The following CSMD1 variants were observed in gnomAD, a reference collection of about 807,000 sequenced individuals.
The protein encoded by CSMD1 is CUB and Sushi multiple domains 1, also known as CUB and sushi domain-containing protein 1.
Under a neutral mutation model 417.5 loss-of-function variants are expected in CSMD1, and 213 were observed. The ratio of observed to expected loss-of-function variants is 0.51; its 90% CI spans 0.46 to 0.57. The LOEUF (loss-of-function observed/expected upper bound fraction) is 0.57. CSMD1 is among the 20% of genes least tolerant of loss of function. The pLI, the probability that CSMD1 is intolerant of heterozygous loss-of-function variation, is 0.00. For synonymous variants in CSMD1, 2,862 were observed against 1,736.8 expected, an observed-to-expected ratio of 1.65 and a Z score of -16.11; for missense variants, 6,923 against 4,529.7, an observed-to-expected ratio of 1.53 and a Z score of -15.17.
chr8:4,005,744 G>C (rs1157933615), intron 4 of CSMD1, among the ~76,000 whole-genome samples: 2 of 152,234 alleles, frequency 1.3e-5, no homozygotes, highest in Non-Finnish European at 1.5e-5. Flanking sequence ...ATGTGGAAGT[G>C]AGTTATTGTA....
At chr8:3,889,472 T>TATA (rs1245453318) in intron 5 of CSMD1, among the ~76,000 whole-genome samples, 3 of 107,382 alleles carry the variant, frequency 2.8e-5, no homozygotes, top group African/African-American at 1.0e-4. Flanking sequence ...TATATATATA[T>TATA]ATATATATAT....
chr8:3,907,634 G>A (rs1371354375), intron 5 of CSMD1, among the ~76,000 whole-genome samples: 3 of 152,174 alleles, frequency 2.0e-5, no homozygotes, highest in Non-Finnish European at 4.4e-5. Context: ...GCTCATTGAT[G>A]AGATGCCACC....
chr8:3,286,972 C>G (rs575552479), intron 25 of CSMD1, among the ~76,000 whole-genome samples: 8 of 152,062 alleles, frequency 5.3e-5, no homozygotes, highest in Admixed American at 2.0e-4. Context: ...ACATTTAAGT[C>G]TTTAATCCAT....
chr8:4,844,171 C>A (rs1801002131), intron 1 of CSMD1, among the ~76,000 whole-genome samples: 1 of 152,098 alleles, frequency 6.6e-6, no homozygotes. Context: ...TCAAGTTCTA[C>A]TACACGTAGC....
At chr8:4,272,580 A>G (rs1335071415) in intron 3 of CSMD1, among the ~76,000 whole-genome samples, 1 of 152,186 alleles carries the variant, frequency 6.6e-6, no homozygotes, top group African/African-American at 2.4e-5. Flanking sequence ...CTTGCAGTAT[A>G]CCTTTTTTGA....
intron 7 of CSMD1, among the ~76,000 whole-genome samples, chr8:3,652,283 T>G (rs1327843890): frequency 1.3e-5 from 2 of 151,636 alleles, no homozygotes; most frequent in African/African-American, 4.9e-5. Flanking sequence ...CTTACCACCA[T>G]CAGCTTACCA....
chr8:4,612,109 T>C (rs1801208139), intron 2 of CSMD1, among the ~76,000 whole-genome samples: 1 of 152,098 alleles, frequency 6.6e-6, no homozygotes, highest in Non-Finnish European at 1.5e-5. Context: ...CAGACTCTTT[T>C]CATGAAGGAA....
intron 37 of CSMD1, among the ~76,000 whole-genome samples, chr8:3,176,080 C>G (rs1820918332): frequency 6.6e-6 from 1 of 151,956 alleles, no homozygotes; most frequent in Admixed American, 6.6e-5. Flanking sequence ...TAGAAGTAAG[C>G]TAAATTAGAA....
At chr8:3,592,740 C>T (rs907430541) in intron 8 of CSMD1, among the ~76,000 whole-genome samples, 12 of 152,046 alleles carry the variant, frequency 7.9e-5, no homozygotes, top group Non-Finnish European at 1.5e-4. Context: ...TTTCTTCCCC[C>T]TGTATTTTAC....
In CSMD1 at chr8:3,477,749, T is replaced by A. The variant is rs561911602; in HGVS notation, c.1449-8925A>T. Among the ~76,000 whole-genome samples, 6 of 152,274 alleles carry A rather than the reference T, an allele frequency of 3.9e-5. No individual in the cohort carries two copies. The South Asian group carries it at 8.3e-4, about 21-fold the overall frequency. On this transcript the variant is annotated intron_variant, in intron 11 of 69. Transcript: ENST00000635120. ...TGCACTCTTGGGTCTCTCACATATC[T>A]TCAGATACAGTATTGAGGAGGTACT...
At chr8:3,462,851 T>C (rs75899475) in intron 12 of CSMD1, among the ~76,000 whole-genome samples, 4,950 of 152,214 alleles carry the variant, frequency 0.033, 156 homozygotes, top group East Asian at 0.15. Flanking sequence ...AATTCCTAAG[T>C]TGAAACCTAA....
rs112248138 is a variant in CSMD1, at chr8:3,774,712, G to A, written c.819-20670C>T. Among the ~76,000 whole-genome samples the A allele has an allele frequency of 9.9e-5, 15 of 152,174 alleles. No individual in the cohort carries two copies. The East Asian group carries it at 2.5e-3, about 26-fold the overall frequency. ...GCTAAGTGCAAAGGAATAACTTCAC[G>A]ATTTCTGCTCTCAAATTTTGGTGAA... On this transcript the variant is annotated intron_variant, in intron 5 of 69. Coordinates refer to ENST00000635120, the MANE Select transcript of CSMD1 (RefSeq NM_033225.6).
intron 51 of CSMD1, among the ~76,000 whole-genome samples, chr8:3,025,694 C>T (rs941506784): frequency 6.6e-6 from 1 of 152,174 alleles, no homozygotes; most frequent in African/African-American, 2.4e-5. Context: ...GCTGAGAATC[C>T]AGCCACCCTG....
chr8:4,386,790 C>G (rs1363980752), intron 3 of CSMD1, among the ~76,000 whole-genome samples: 2 of 152,144 alleles, frequency 1.3e-5, no homozygotes, highest in East Asian at 1.9e-4. Flanking sequence ...TGAAGAGATA[C>G]AATAAAAAAA....
chr8:4,311,618 G>A (rs568684035), intron 3 of CSMD1, among the ~76,000 whole-genome samples: 1 of 150,768 alleles, frequency 6.6e-6, no homozygotes, highest in African/African-American at 2.4e-5. Context: ...AGCTACTTGG[G>A]AAGCTTAGAC....
chr8:4,178,492 C>G (rs1584966091), intron 3 of CSMD1, among the ~76,000 whole-genome samples: 1 of 151,208 alleles, frequency 6.6e-6, no homozygotes, highest in African/African-American at 2.4e-5. Flanking sequence ...TGGGCAAAAA[C>G]TGGAAGCATT....
chr8:3,500,355 G>T (rs929396930), intron 10 of CSMD1, among the ~76,000 whole-genome samples: 1 of 152,126 alleles, frequency 6.6e-6, no homozygotes, highest in East Asian at 1.9e-4. Context: ...TAGATGGTAC[G>T]TCAAGCCACT....
chr8:4,894,303 T>C (rs1037775185), intron 1 of CSMD1, among the ~76,000 whole-genome samples: 3 of 152,128 alleles, frequency 2.0e-5, no homozygotes, highest in African/African-American at 2.4e-5. Flanking sequence ...TGAATTTATA[T>C]ACATTTTTCA....
intron 1 of CSMD1, among the ~76,000 whole-genome samples, chr8:4,733,608 C>G (rs1241142058): frequency 1.3e-5 from 2 of 152,180 alleles, no homozygotes; most frequent in African/African-American, 2.4e-5. Context: ...CAACAAAGGC[C>G]TGGAAAGCAT....
Sources: gnomAD v4.1 joint callset for allele counts (sites outside exome capture counted in the v4.1 genomes callset) on GRCh38, gnomAD v4.1.1 for gene constraint, MANE v1.5 for transcripts, NCBI Gene and HGNC (gene_info 2026-07-23, HGNC 2026-07-21) for gene names.